MINDY2: variants seen among roughly 807,000 people sequenced by gnomAD.
MINDY2 encodes ubiquitin carboxyl-terminal hydrolase MINDY-2.
In MINDY2, 52 loss-of-function variants were observed where a neutral mutation model predicts 68.2. The ratio of observed to expected loss-of-function variants is 0.76; its 90% CI spans 0.61 to 0.96. The LOEUF (loss-of-function observed/expected upper bound fraction) is 0.96. Among genes scored for constraint, MINDY2 ranks in the 40% least tolerant of loss-of-function variants. The pLI is 0.00. For missense variants in MINDY2, 881 were observed against 773.4 expected, an observed-to-expected ratio of 1.14 and a Z score of -1.65; for synonymous variants, 372 against 303.0, an observed-to-expected ratio of 1.23 and a Z score of -2.36.
chr15:58,788,586 C>T (rs1469873929), intron 2 of MINDY2, among the ~76,000 whole-genome samples: 3 of 152,180 alleles, frequency 2.0e-5, no homozygotes, highest in South Asian at 2.1e-4. Context: ...TTGAGTTGAA[C>T]TTGTTTAGAG....
At chr15:58,853,631 C>G (rs1038557201) in intron 8 of MINDY2, among the ~76,000 whole-genome samples, 1 of 151,662 alleles carries the variant, frequency 6.6e-6, no homozygotes, top group African/African-American at 2.4e-5. Flanking sequence ...CCAGCCTGGC[C>G]AATATGATGA....
chr15:58,854,742 G>T lies in MINDY2; in HGVS notation c.*132G>T, dbSNP rs548469292. On this transcript the variant is annotated 3_prime_UTR_variant, in exon 9 of 9. Transcript: ENST00000559228. ...ATTTTGTTCGTTTTTTCAGGGGAAC[G>T]GTTGTTACTTAGTTACAATCAGACT... The T allele has an allele frequency of 9.7e-6, 10 of 1,031,284 alleles. No individual in the cohort carries two copies. Among genetic ancestry groups the T allele is most frequent in the African/African-American group, 3.2e-5 (2 of 62,388 alleles). The allele number at this position is 1,031,284 out of a possible 1,614,324, so 63.9% of individuals were successfully genotyped here.
chr15:58,828,896 C>T (rs2141014830), intron 5 of MINDY2, among the ~76,000 whole-genome samples: 1 of 152,124 alleles, frequency 6.6e-6, no homozygotes, highest in African/African-American at 2.4e-5. Flanking sequence ...ATATAGTAAT[C>T]TTCTCAGGAA....
chr15:58,799,096 G>T (rs1466425849), intron 2 of MINDY2, among the ~76,000 whole-genome samples: 3 of 152,264 alleles, frequency 2.0e-5, no homozygotes, highest in South Asian at 4.1e-4. Flanking sequence ...GATGGGAGGT[G>T]GGGGAGAAGT....
chr15:58,840,054 G>A (rs565509008), intron 6 of MINDY2, among the ~76,000 whole-genome samples: 2 of 151,848 alleles, frequency 1.3e-5, no homozygotes, highest in South Asian at 2.1e-4. Flanking sequence ...GCCTAGTCTC[G>A]AACTCCTGAC....
chr15:58,829,679 C>T (rs149665785), intron 5 of MINDY2, among the ~76,000 whole-genome samples: 103 of 152,262 alleles, frequency 6.8e-4, no homozygotes, highest in Admixed American at 6.2e-3. Context: ...ATATTACAGA[C>T]GGCAGTGGTA....
rs1176365177 is a variant in MINDY2 at position 58,860,188 on chromosome 15, C to T, written c.*5578C>T. 1 of 152,184 alleles carries T rather than the reference C, an allele frequency of 6.6e-6. No individual in the cohort carries two copies. Among genetic ancestry groups the T allele is most frequent in the Non-Finnish European group, 1.5e-5 (1 of 68,038 alleles). 9.4% of individuals were successfully genotyped at this position (152,184 alleles called of 1,614,324 possible). ...CCTGCTTTGAGAAGAAAGAATGCCT[C>T]ATAAATTAGAGAAGGACAAAACAAA... On this transcript the variant is annotated 3_prime_UTR_variant, in exon 9 of 9. Coordinates refer to ENST00000559228, the MANE Select transcript of MINDY2 (RefSeq NM_001040450.3).
chr15:58,854,607 G>GT lies in MINDY2; in HGVS notation c.1864dup (p.Ter622LeufsTer33). 6.2e-7 allele frequency: 1 copy of GT among 1,605,316 alleles called. No individual in the cohort carries two copies. Among genetic ancestry groups the GT allele is most frequent in the Non-Finnish European group, 8.5e-7 (1 of 1,179,024 alleles). The stretch of plus-strand genomic sequence containing the variant: ...AGGAAAAAAATAGCTGTGTTATTTT[G>GT]TAACAAGTGTTGGCTTCTGTTGGAA... On this transcript the variant is annotated frameshift_variant, in exon 9 of 9. Transcript: ENST00000559228. LOFTEE classifies it high-confidence loss of function.
intron 4 of MINDY2, among the ~76,000 whole-genome samples, chr15:58,820,296 TAGTC>T (rs1249619213): frequency 5.9e-4 from 89 of 151,170 alleles, no homozygotes; most frequent in African/African-American, 1.8e-3. Context: ...AAACAAAAAT[TAGTC>T]AGGTGTGGTG....
At chr15:58,852,934 T>TG (rs1567079712) in intron 8 of MINDY2, among the ~76,000 whole-genome samples, 2 of 24,662 alleles carry the variant, frequency 8.1e-5, no homozygotes, top group African/African-American at 2.6e-4. Context: ...TTTTTTTTTT[T>TG]TTTTTTTTTT....
At chr15:58,780,972 G>A (rs1353122591) in intron 1 of MINDY2, among the ~76,000 whole-genome samples, 1 of 152,114 alleles carries the variant, frequency 6.6e-6, no homozygotes, top group Non-Finnish European at 1.5e-5. Flanking sequence ...TGAGGGGGGA[G>A]ATATTTCAGC....
intron 7 of MINDY2, among the ~76,000 whole-genome samples, chr15:58,848,462 C>A (rs527553558): frequency 6.6e-6 from 1 of 152,094 alleles, no homozygotes; most frequent in East Asian, 1.9e-4. Context: ...ATATTTAATT[C>A]TCCGGGTGCG....
At chr15:58,791,037 G>C (rs1162812817) in intron 2 of MINDY2, among the ~76,000 whole-genome samples, 1 of 150,856 alleles carries the variant, frequency 6.6e-6, no homozygotes, top group Non-Finnish European at 1.5e-5. Flanking sequence ...AAAATTAGCT[G>C]GGAGTGGTGG....
At position 58,810,278 on chromosome 15, in the gene MINDY2, G is replaced by A. The variant is rs1390029094; in HGVS notation, c.1012G>A (p.Asp338Asn). Residue 338 changes from aspartate (D) to asparagine (N), a missense_variant, in exon 4 of 9, where the codon GAT (aspartate) becomes AAT (asparagine). By Grantham distance (23) the Asp-to-Asn change is conservative (BLOSUM62 1). Transcript: ENST00000559228. Reference sequence around the variant, plus strand: ...TTTGCACAAACTACAGACAGGCCTGGATGTAAATGTAAGATTCACTGGTGT... The same window carrying A: ...TTTGCACAAACTACAGACAGGCCTGAATGTAAATGTAAGATTCACTGGTGT... ...AILHKLQTGL[D>N]VNVRFTGVRV... The A allele has an allele frequency of 1.9e-6, 3 of 1,613,650 alleles. No homozygotes were observed. Among genetic ancestry groups the A allele is most frequent in the Non-Finnish European group, 2.5e-6 (3 of 1,179,862 alleles).
At chr15:58,806,942 A>T (rs1331780880) in intron 3 of MINDY2, among the ~76,000 whole-genome samples, 1 of 152,220 alleles carries the variant, frequency 6.6e-6, no homozygotes, top group Non-Finnish European at 1.5e-5. Flanking sequence ...GCAGTATAAC[A>T]ATGTTATCCT....
At chr15:58,787,480 G>A (rs922135842) in intron 1 of MINDY2, among the ~76,000 whole-genome samples, 1 of 151,392 alleles carries the variant, frequency 6.6e-6, no homozygotes, top group Non-Finnish European at 1.5e-5. Flanking sequence ...GCTCACACCT[G>A]TAATCCCAGC....
chr15:58,790,586 A>AG (rs1567043296), intron 2 of MINDY2, among the ~76,000 whole-genome samples: 1 of 56,780 alleles, frequency 1.8e-5, no homozygotes, highest in African/African-American at 9.8e-5. Context: ...AATAGACCTT[A>AG]GTGGGGGGTA....
intron 7 of MINDY2, among the ~76,000 whole-genome samples, chr15:58,849,055 C>T (rs1445583682): frequency 6.6e-6 from 1 of 151,908 alleles, no homozygotes; most frequent in Non-Finnish European, 1.5e-5. Context: ...ACTAAACATA[C>T]AAAGATTAGC....
In MINDY2 at chr15:58,857,456, C is replaced by T. The variant is rs565812014; in HGVS notation, c.*2846C>T. 1 of 145,110 alleles carries T rather than the reference C, an allele frequency of 6.9e-6. No individual in the cohort carries two copies. The highest frequency in any genetic ancestry group is 2.5e-5 in the African/African-American group (1 of 39,288). The allele number at this position is 145,110 out of a possible 1,614,324, so 9.0% of individuals were successfully genotyped here. On this transcript the variant is annotated 3_prime_UTR_variant, in exon 9 of 9. Transcript: ENST00000559228. Reference sequence around the variant, plus strand: ...GGCTGAGGCAGGAGAATCGCTTGAACCCAGGAGGCAGTGATTGCAGTGAGC... The same window carrying T: ...GGCTGAGGCAGGAGAATCGCTTGAATCCAGGAGGCAGTGATTGCAGTGAGC...
Sources: allele counts gnomAD v4.1 joint callset (sites outside exome capture counted in the v4.1 genomes callset), GRCh38; gene constraint gnomAD v4.1.1; transcripts MANE v1.5; gene names NCBI Gene and HGNC (gene_info 2026-07-23, HGNC 2026-07-21).